Variants in ADAMTSL1 observed in about 807,000 individuals in gnomAD.
ADAMTSL1 encodes ADAMTS-like protein 1.
In ADAMTSL1, 126 loss-of-function variants were observed where a neutral mutation model predicts 201.8. The ratio of observed to expected loss-of-function variants is 0.62; its 90% CI spans 0.54 to 0.72. ADAMTSL1 has a LOEUF of 0.72. Among genes scored for constraint, ADAMTSL1 ranks in the 30% least tolerant of loss-of-function variants. The probability of loss-of-function intolerance (pLI) is 0.00; values close to 1 mark genes in which losing one functional copy is unlikely to be tolerated. For missense variants in ADAMTSL1, 2,679 were observed against 2,277.8 expected (o/e 1.18, Z -3.59); for synonymous variants, 1,121 against 903.4 (o/e 1.24, Z -4.32).
chr9:18,166,708 G>T (rs1190511392), intron 2 of ADAMTSL1, among the ~76,000 whole-genome samples: 1 of 151,720 alleles, frequency 6.6e-6, no homozygotes, highest in Non-Finnish European at 1.5e-5. Flanking sequence ...CTATTCTAAG[G>T]GCTTTAACTT....
At chr9:18,906,163 G>A (rs763283260) in intron 27 of ADAMTSL1, among the ~76,000 whole-genome samples, 15 of 152,278 alleles carry the variant, frequency 9.9e-5, no homozygotes, top group Middle Eastern at 6.8e-3. Context: ...CATACCTCGA[G>A]AGACCTGCAC....
chr9:18,281,133 G>A (rs1832771474), intron 2 of ADAMTSL1, among the ~76,000 whole-genome samples: 1 of 151,708 alleles, frequency 6.6e-6, no homozygotes, highest in Non-Finnish European at 1.5e-5. Context: ...TACCTTTAAG[G>A]GTAAACAAGC....
intron 20 of ADAMTSL1, among the ~76,000 whole-genome samples, chr9:18,799,334 T>G (rs1041780058): frequency 2.0e-5 from 3 of 152,196 alleles, no homozygotes; most frequent in African/African-American, 7.2e-5. Context: ...GCACAGAGAT[T>G]GGAGAATCAT....
chr9:18,166,998 C>A lies in ADAMTSL1; in HGVS notation c.207+3017C>A, dbSNP rs1174452778. Among the ~76,000 whole-genome samples, 7 of 151,938 alleles carry A rather than the reference C, an allele frequency of 4.6e-5. 1 individual carries two copies. In the East Asian group the frequency reaches 1.4e-3, roughly 29 times the overall value. On this transcript the variant is annotated intron_variant, in intron 2 of 29. Transcript: ENST00000680146. ...CTCAGAGGGCTAATTTCGTTCTCTG[C>A]ACTTTGAGAAGCTATTTAAGTGAGC...
At chr9:18,152,980 CCTT>C (rs1294390178) in intron 1 of ADAMTSL1, among the ~76,000 whole-genome samples, 1 of 151,974 alleles carries the variant, frequency 6.6e-6, no homozygotes, top group Non-Finnish European at 1.5e-5. Context: ...TGGCCAATGT[CCTT>C]CTTAAAGTTT....
intron 2 of ADAMTSL1, among the ~76,000 whole-genome samples, chr9:18,242,330 C>G (rs1054317277): frequency 1.3e-5 from 2 of 152,076 alleles, no homozygotes; most frequent in Non-Finnish European, 2.9e-5. Context: ...AATAAAAACT[C>G]TTAACATTTT....
intron 2 of ADAMTSL1, among the ~76,000 whole-genome samples, chr9:18,460,239 G>A (rs1820758021): frequency 6.6e-6 from 1 of 152,126 alleles, no homozygotes; most frequent in Non-Finnish European, 1.5e-5. Context: ...AGAGCACAAT[G>A]GAAAGTTTTT....
intron 3 of ADAMTSL1, among the ~76,000 whole-genome samples, chr9:18,567,541 T>A (rs1821998424): frequency 6.6e-6 from 1 of 152,114 alleles, no homozygotes; most frequent in Admixed American, 6.5e-5. Context: ...ACAGATTTCA[T>A]GGGGATAGCA....
At chr9:18,066,905 C>A (rs1210799728) in intron 1 of ADAMTSL1, among the ~76,000 whole-genome samples, 1 of 152,104 alleles carries the variant, frequency 6.6e-6, no homozygotes, top group East Asian at 1.9e-4. Flanking sequence ...CCAAACACCG[C>A]ATATTCTCAC....
chr9:18,612,295 C>A (rs1825428462), intron 4 of ADAMTSL1, among the ~76,000 whole-genome samples: 1 of 152,124 alleles, frequency 6.6e-6, no homozygotes, highest in South Asian at 2.1e-4. Flanking sequence ...AGAGAGTGTT[C>A]TTTTGGTCTT....
At chr9:18,450,050 C>A (rs190699439) in intron 2 of ADAMTSL1, among the ~76,000 whole-genome samples, 2 of 152,274 alleles carry the variant, frequency 1.3e-5, no homozygotes, top group South Asian at 2.1e-4. Context: ...GAAAAGATTT[C>A]TCCATGCAAA....
chr9:18,607,267 AT>A (rs1221536915), intron 4 of ADAMTSL1, among the ~76,000 whole-genome samples: 2 of 152,194 alleles, frequency 1.3e-5, no homozygotes, highest in African/African-American at 2.4e-5. Context: ...CGATTGTAAA[AT>A]TTTAATGTTG....
intron 1 of ADAMTSL1, among the ~76,000 whole-genome samples, chr9:18,027,910 T>G (rs1276544201): frequency 6.6e-6 from 1 of 152,118 alleles, no homozygotes; most frequent in East Asian, 1.9e-4. Flanking sequence ...TGGGTATGTA[T>G]GTATTCAGGA....
intron 2 of ADAMTSL1, among the ~76,000 whole-genome samples, chr9:18,369,757 T>C (rs997723771): frequency 2.6e-5 from 4 of 152,250 alleles, no homozygotes; most frequent in African/African-American, 9.6e-5. Context: ...TAAGTGTCCA[T>C]CAATGGATGC....
intron 23 of ADAMTSL1, among the ~76,000 whole-genome samples, chr9:18,861,390 A>G (rs1323803127): frequency 2.6e-5 from 4 of 152,170 alleles, no homozygotes; most frequent in Admixed American, 2.6e-4. Context: ...TAGGGCTCCT[A>G]AGTCCATGTG....
intron 2 of ADAMTSL1, among the ~76,000 whole-genome samples, chr9:18,254,477 C>T (rs570942175): frequency 9.4e-5 from 14 of 149,650 alleles, no homozygotes; most frequent in African/African-American, 3.2e-4. Context: ...GTTCTCCTGC[C>T]TCAGCCTCCC....
intron 1 of ADAMTSL1, among the ~76,000 whole-genome samples, chr9:18,002,166 C>A (rs1819637002): frequency 6.6e-6 from 1 of 151,968 alleles, no homozygotes; most frequent in South Asian, 2.1e-4. Flanking sequence ...GACTTATTTT[C>A]TGATACTAGA....
At chr9:18,505,210 A>G (rs1040458020) in intron 2 of ADAMTSL1, among the ~76,000 whole-genome samples, 14 of 152,328 alleles carry the variant, frequency 9.2e-5, no homozygotes, top group Admixed American at 5.2e-4. Context: ...CATCTTTACC[A>G]AGCAAATGTT....
At chr9:18,275,510 C>A (rs776655666) in intron 2 of ADAMTSL1, among the ~76,000 whole-genome samples, 1 of 152,146 alleles carries the variant, frequency 6.6e-6, no homozygotes, top group African/African-American at 2.4e-5. Flanking sequence ...CCAGTCATTG[C>A]CCATCCCTAA....
Sources: gnomAD v4.1 joint callset for allele counts (sites outside exome capture counted in the v4.1 genomes callset) on GRCh38, gnomAD v4.1.1 for gene constraint, MANE v1.5 for transcripts, NCBI Gene and HGNC (gene_info 2026-07-23, HGNC 2026-07-21) for gene names.